The following DPH6 variants were observed in gnomAD, a reference collection of about 807,000 sequenced individuals.
DPH6 encodes the protein diphthine--ammonia ligase.
DPH6 carries 33 observed loss-of-function variants against 38.2 expected under a neutral mutation model. The observed-to-expected ratio is 0.86, with a 90% CI of 0.65 to 1.15. The LOEUF is 1.15. Ranked by LOEUF, DPH6 falls within the 50% of genes most tolerant of loss-of-function variation. The probability of loss-of-function intolerance (pLI) is 0.00; values close to 1 mark genes in which losing one functional copy is unlikely to be tolerated. For missense variants in DPH6, 325 were observed against 320.0 expected (o/e 1.02, Z -0.12); for synonymous variants, 108 against 103.0 (o/e 1.05, Z -0.30).
At chr15:35,345,259 C>T (rs2052452302) in intron 3 of DPH6, among the ~76,000 whole-genome samples, 1 of 151,868 alleles carries the variant, frequency 6.6e-6, no homozygotes, top group East Asian at 1.9e-4. Context: ...AGTATTAATT[C>T]TAAGAACATC....
intron 5 of DPH6, among the ~76,000 whole-genome samples, chr15:35,437,686 TAC>T (rs1221813448): frequency 1.3e-5 from 2 of 152,122 alleles, no homozygotes; most frequent in African/African-American, 4.8e-5. Context: ...GAAAGAGGGG[TAC>T]CTTAGGATGA....
At chr15:35,399,642 A>G (rs1318408179) in intron 6 of DPH6, among the ~76,000 whole-genome samples, 1 of 152,198 alleles carries the variant, frequency 6.6e-6, no homozygotes, top group Non-Finnish European at 1.5e-5. Flanking sequence ...AGAAATGGAG[A>G]CATATGGAGA....
intron 3 of DPH6, among the ~76,000 whole-genome samples, chr15:35,295,666 A>C (rs1363320455): frequency 6.6e-6 from 1 of 152,108 alleles, no homozygotes; most frequent in Non-Finnish European, 1.5e-5. Flanking sequence ...CCCCACACCA[A>C]TCACTCATTC....
chr15:35,298,866 C>T (rs538428375), intron 3 of DPH6: 13 of 1,002,152 alleles, frequency 1.3e-5, no homozygotes, highest in African/African-American at 9.5e-5. Context: ...GTCTTGAGTC[C>T]TCTTCATAAG....
intron 3 of DPH6, among the ~76,000 whole-genome samples, chr15:35,460,878 A>C (rs2054057389): frequency 6.7e-6 from 1 of 148,746 alleles, no homozygotes; most frequent in East Asian, 2.0e-4. Context: ...GCACTTCCTA[A>C]AGCAAAGAGA....
At chr15:35,391,814 C>T (rs146479263) in intron 6 of DPH6, among the ~76,000 whole-genome samples, 3 of 152,312 alleles carry the variant, frequency 2.0e-5, no homozygotes, top group East Asian at 3.9e-4. Context: ...CCTCGCCCTG[C>T]TTTGGCTCAT....
chr15:35,292,831 C>A (rs2051989023), intron 3 of DPH6, among the ~76,000 whole-genome samples: 1 of 151,970 alleles, frequency 6.6e-6, no homozygotes, highest in Non-Finnish European at 1.5e-5. Flanking sequence ...TCACCCTTTG[C>A]CTGAAAATCT....
At position 35,314,697 on chromosome 15, in the gene DPH6, T is replaced by C. The variant is rs560220539; in HGVS notation, n.200+58824A>G. ...CAGTGTCAACCATTCTATGGTCATT[T>C]GGTATTTGAAGCAAATTGGAAAGGT... On this transcript the variant is annotated intron_variant and non_coding_transcript_variant, in intron 3 of 3. Coordinates refer to the DPH6 transcript ENST00000560386. 5.9e-4 allele frequency among the ~76,000 whole-genome samples: 90 copies of C among 152,326 alleles called. 2 individuals carry two copies. In the South Asian group the frequency reaches 0.016, roughly 27 times the overall value.
the DPH6 span, among the ~76,000 whole-genome samples, chr15:35,203,157 AAT>A: frequency 6.6e-6 from 1 of 151,780 alleles, no homozygotes; most frequent in East Asian, 1.9e-4. Flanking sequence ...TATAGATATA[AAT>A]ATCTTATTTT....
chr15:35,376,160 G>A (rs2052777129), intron 7 of DPH6, among the ~76,000 whole-genome samples: 1 of 152,000 alleles, frequency 6.6e-6, no homozygotes, highest in Non-Finnish European at 1.5e-5. Context: ...TTCGGGGAGA[G>A]GAACCAGTTT....
intron 3 of DPH6, 122 bp downstream of exon 3, chr15:35,538,152 T>A: frequency 1.2e-6 from 1 of 857,178 alleles, no homozygotes; most frequent in Non-Finnish European, 1.6e-6. Flanking sequence ...AAAGACAAAA[T>A]CCTTTTAAAG....
intron 8 of DPH6, 91 bp downstream of exon 8, chr15:35,373,430 T>C (rs1354244285): frequency 1.8e-6 from 2 of 1,095,002 alleles, no homozygotes; most frequent in Non-Finnish European, 2.5e-6. Context: ...TTCTTTTTCC[T>C]GTCATCTGTT....
intron 3 of DPH6, among the ~76,000 whole-genome samples, chr15:35,295,764 T>G (rs1476261291): frequency 6.6e-6 from 1 of 152,200 alleles, no homozygotes; most frequent in Non-Finnish European, 1.5e-5. Flanking sequence ...ACCCGTTTTT[T>G]TCCTTTTAAG....
At chr15:35,204,053 C>T in the DPH6 span, among the ~76,000 whole-genome samples, 1 of 151,692 alleles carries the variant, frequency 6.6e-6, no homozygotes, top group Non-Finnish European at 1.5e-5. Context: ...TGTTAGCAAT[C>T]CTCTAAACTT....
In DPH6 at chr15:35,282,846, T is replaced by C. The variant is rs571531208; in HGVS notation, n.201-62264A>G. On this transcript the variant is annotated intron_variant and non_coding_transcript_variant, in intron 3 of 3. Coordinates refer to the DPH6 transcript ENST00000560386. ...ACGCCAGCTGCATCATCAGCCTGGT[T>C]GTGGGCCAGCTTAAGGTGGATGAAG... 8.8e-6 allele frequency: 3 copies of C among 342,278 alleles called. No homozygotes were observed. The South Asian group carries it at 9.1e-5, about 10-fold the overall frequency. The allele number at this position is 342,278 out of a possible 1,614,324, so 21.2% of individuals were successfully genotyped here. A position where few individuals can be genotyped will look rare whatever the true frequency, so the allele number is the denominator to read the frequency against.
chr15:35,190,252 T>C, the DPH6 span, among the ~76,000 whole-genome samples: 1 of 152,246 alleles, frequency 6.6e-6, no homozygotes, highest in Admixed American at 6.5e-5. Context: ...AGAGCCGATT[T>C]ATCAAGACAG....
intron 3 of DPH6, among the ~76,000 whole-genome samples, chr15:35,305,601 A>G (rs2052084035): frequency 6.6e-6 from 1 of 152,164 alleles, no homozygotes; most frequent in Admixed American, 6.6e-5. Flanking sequence ...ATAATTACAC[A>G]GGAAATTATG....
At position 35,315,159 on chromosome 15, in the gene DPH6, A is replaced by G. The variant is rs146268467; in HGVS notation, n.200+58362T>C. 2.5e-3 allele frequency among the ~76,000 whole-genome samples: 380 copies of G among 152,286 alleles called. 2 individuals carry two copies. Among genetic ancestry groups the G allele is most frequent in the Middle Eastern group, 6.8e-3 (2 of 294 alleles). ...CTCATGTCGCACAACCAACACTTCA[A>G]AAGTTGAATGAATTGGGCTACAAAG... On this transcript the variant is annotated intron_variant and non_coding_transcript_variant, in intron 3 of 3. Transcript: ENST00000560386.
At chr15:35,330,213 A>G (rs938952034), downstream of DPH6, among the ~76,000 whole-genome samples, 2 of 152,174 alleles carry the variant, frequency 1.3e-5, no homozygotes, top group African/African-American at 2.4e-5. Context: ...CCATGAACTC[A>G]GCTGCACAAG....
Sources: allele counts gnomAD v4.1 joint callset (sites outside exome capture counted in the v4.1 genomes callset), GRCh38; gene constraint gnomAD v4.1.1; transcripts MANE v1.5; gene names NCBI Gene and HGNC (gene_info 2026-07-23, HGNC 2026-07-21).